The following SNRPN variants were observed in gnomAD, a reference collection of about 807,000 sequenced individuals.
SNRPN encodes small nuclear ribonucleoprotein-associated protein N.
A neutral mutation model predicts 25.2 loss-of-function variants in SNRPN; 7 were observed. The ratio of observed to expected loss-of-function variants is 0.28; its 90% CI spans 0.16 to 0.52. The LOEUF is 0.52. Ranked by LOEUF, SNRPN falls within the 20% of genes least tolerant of loss-of-function variation. The pLI is 0.96. For synonymous variants in SNRPN, 124 were observed against 110.6 expected (o/e 1.12, Z -0.76); for missense variants, 196 against 322.5 (o/e 0.61, Z 3.00).
chr15:24,884,654 T>C (rs999981350), intron 1 of SNRPN, among the ~76,000 whole-genome samples: 3 of 152,246 alleles, frequency 2.0e-5, no homozygotes, highest in Non-Finnish European at 2.9e-5. Flanking sequence ...AAGCTTTCCA[T>C]AGTATTTCAT....
intron 2 of SNRPN, among the ~76,000 whole-genome samples, chr15:24,847,243 A>C (rs2052285731): frequency 6.6e-6 from 1 of 152,184 alleles, no homozygotes; most frequent in Non-Finnish European, 1.5e-5. Context: ...ATCAACAGAA[A>C]GGGAGGCCCA....
chr15:24,878,592 T>TTCTAGGCTTC, intron 1 of SNRPN, among the ~76,000 whole-genome samples: 1 of 152,368 alleles, frequency 6.6e-6, no homozygotes, highest in East Asian at 1.9e-4. Flanking sequence ...TTCGTATAAT[T>TTCTAGGCTTC]GTTCTGGTCT....
chr15:24,837,654 C>T (rs910304676), intron 2 of SNRPN, among the ~76,000 whole-genome samples: 9 of 151,938 alleles, frequency 5.9e-5, no homozygotes, highest in Middle Eastern at 3.2e-3. Flanking sequence ...CAGGCGTGAG[C>T]CACCATGCCC....
At chr15:24,893,755 A>G (rs1201235557) in intron 2 of SNRPN, among the ~76,000 whole-genome samples, 2 of 152,048 alleles carry the variant, frequency 1.3e-5, no homozygotes, top group Non-Finnish European at 2.9e-5. Flanking sequence ...AGATTCTTTC[A>G]TGGTTCTTTA....
chr15:24,837,449 A>G (rs1192086173), intron 2 of SNRPN, among the ~76,000 whole-genome samples: 1 of 151,464 alleles, frequency 6.6e-6, no homozygotes, highest in Admixed American at 6.6e-5. Flanking sequence ...GCTCACTGCA[A>G]GCTCCGCCTC....
At chr15:24,935,682 AG>A (rs1187870185) in intron 3 of SNRPN, among the ~76,000 whole-genome samples, 1 of 152,214 alleles carries the variant, frequency 6.6e-6, no homozygotes, top group Non-Finnish European at 1.5e-5. Context: ...AATATAATCA[AG>A]GGAAGTTTTA....
At chr15:24,961,271 A>G (rs1474005803) in intron 1 of SNRPN, among the ~76,000 whole-genome samples, 2 of 152,200 alleles carry the variant, frequency 1.3e-5, no homozygotes, top group Non-Finnish European at 2.9e-5. Context: ...GTTATTGGTA[A>G]GCTATTTTAC....
intron 2 of SNRPN, among the ~76,000 whole-genome samples, chr15:24,890,132 A>G (rs1014414748): frequency 6.6e-6 from 1 of 151,550 alleles, no homozygotes; most frequent in East Asian, 1.9e-4. Flanking sequence ...TGAGAAAACC[A>G]TGGAAGCAGG....
At chr15:24,829,860 G>A (rs2050375921) in exon 2 of SNRPN, 1 of 152,130 alleles carries the variant, frequency 6.6e-6, no homozygotes, top group African/African-American at 2.4e-5. Context: ...CCTGATGAAA[G>A]ATACACCACA....
intron 1 of SNRPN, among the ~76,000 whole-genome samples, chr15:24,864,392 A>G (rs1438736947): frequency 7.9e-6 from 1 of 127,322 alleles, no homozygotes; most frequent in East Asian, 2.4e-4. Context: ...CACACAGGCT[A>G]GAATACAATG....
At chr15:24,933,756 G>A (rs924735534) in intron 3 of SNRPN, among the ~76,000 whole-genome samples, 1 of 152,220 alleles carries the variant, frequency 6.6e-6, no homozygotes, top group East Asian at 1.9e-4. Flanking sequence ...TACCAGGTGG[G>A]CAGGCCCATT....
intron 2 of SNRPN, among the ~76,000 whole-genome samples, chr15:24,895,009 T>G (rs1168459392): frequency 6.6e-6 from 1 of 151,602 alleles, no homozygotes; most frequent in Non-Finnish European, 1.5e-5. Context: ...AACCTGAGTG[T>G]TTTTTTTGCT....
chr15:24,893,956 A>G (rs1171017394), intron 2 of SNRPN, among the ~76,000 whole-genome samples: 1 of 152,230 alleles, frequency 6.6e-6, no homozygotes, highest in African/African-American at 2.4e-5. Context: ...TGACTTACCC[A>G]TGAATGCAGA....
chr15:24,914,568 A>T lies in SNRPN; in HGVS notation c.-504-5443A>T, dbSNP rs572583065. On this transcript the variant is annotated intron_variant, in intron 2 of 11. Coordinates refer to the SNRPN transcript ENST00000400097. ...ACAAAAATTAAAAATAAAAATAAAT[A>T]AAAAAAATTAAAACCTATCCTTACA... Among the ~76,000 whole-genome samples the T allele has an allele frequency of 5.3e-5, 8 of 151,946 alleles. No homozygotes were observed. The South Asian group carries it at 8.3e-4, about 16-fold the overall frequency.
intron 1 of SNRPN, among the ~76,000 whole-genome samples, chr15:24,825,720 A>T (rs918827401): frequency 7.9e-5 from 12 of 152,106 alleles, no homozygotes; most frequent in Admixed American, 3.3e-4. Flanking sequence ...AAATCATCTA[A>T]CAGAAACCAT....
At chr15:24,830,801 T>C (rs1325895628) in intron 2 of SNRPN, among the ~76,000 whole-genome samples, 1 of 152,152 alleles carries the variant, frequency 6.6e-6, no homozygotes, top group Non-Finnish European at 1.5e-5. Flanking sequence ...ATTGTATTAG[T>C]CTGATTCTTT....
rs552680054 is a variant in SNRPN, at chr15:24,865,603, G to A, written c.-579+8887G>A. ...TTGTTTTAAGATTGTTTATGTGGAA[G>A]TCAGTGCTTGCTTAGCTGCTAGAGA... is the stretch of plus-strand genomic sequence containing the variant. On this transcript the variant is annotated intron_variant, in intron 1 of 11. Transcript: ENST00000400097. 3.3e-5 allele frequency among the ~76,000 whole-genome samples: 5 copies of A among 152,296 alleles called. No homozygotes were observed. In the South Asian group the frequency reaches 1.0e-3, roughly 32 times the overall value.
chr15:24,863,132 A>G (rs1410966219), intron 1 of SNRPN, among the ~76,000 whole-genome samples: 1 of 150,220 alleles, frequency 6.7e-6, no homozygotes, highest in Non-Finnish European at 1.5e-5. Context: ...GATGGGAAGG[A>G]GCAGTAGCAT....
In SNRPN at chr15:24,826,127, C is replaced by T. The variant is rs187396092; in HGVS notation, c.-687+2277C>T. Among the ~76,000 whole-genome samples the T allele has an allele frequency of 2.9e-3, 448 of 152,152 alleles. 4 individuals carry two copies. Among genetic ancestry groups the T allele is most frequent in the African/African-American group, 0.011 (436 of 41,444 alleles). ...GGCCAACTTCATTCAAATGTCTTCT[C>T]GATGTGTCCTTCCCTTTTTCTCCTG... On this transcript the variant is annotated intron_variant, in intron 1 of 12. Transcript: ENST00000400100.
Sources: allele counts gnomAD v4.1 joint callset (sites outside exome capture counted in the v4.1 genomes callset), GRCh38; gene constraint gnomAD v4.1.1; transcripts MANE v1.5; gene names NCBI Gene and HGNC (gene_info 2026-07-23, HGNC 2026-07-21).